MYT1L: variants seen among roughly 807,000 people sequenced by gnomAD.
MYT1L encodes the protein myelin transcription factor 1 like.
A neutral mutation model predicts 126.7 loss-of-function variants in MYT1L; 12 were observed. The ratio of observed to expected loss-of-function variants is 0.09; its 90% CI spans 0.06 to 0.15. The LOEUF (loss-of-function observed/expected upper bound fraction) is 0.15, where lower values mean the gene tolerates loss of function less well. Among genes scored for constraint, MYT1L ranks in the 10% least tolerant of loss-of-function variants. MYT1L has a pLI of 1.00. For synonymous variants in MYT1L, 541 were observed against 604.2 expected (o/e 0.90, Z 1.53); for missense variants, 979 against 1,585.2 (o/e 0.62, Z 6.49).
chr2:2,280,798 A>T (rs977883972), intron 2 of MYT1L, among the ~76,000 whole-genome samples: 1 of 152,148 alleles, frequency 6.6e-6, no homozygotes, highest in African/African-American at 2.4e-5. Context: ...GTGATTTAAA[A>T]CCCAGAACAC....
chr2:2,015,185 G>T (rs1261536382), intron 4 of MYT1L, among the ~76,000 whole-genome samples: 2 of 152,230 alleles, frequency 1.3e-5, no homozygotes, highest in Admixed American at 6.5e-5. Flanking sequence ...CAATGCTGAA[G>T]AGAATGGGTG....
At chr2:1,897,914 G>A (rs1425553431) in intron 14 of MYT1L, among the ~76,000 whole-genome samples, 3 of 152,154 alleles carry the variant, frequency 2.0e-5, no homozygotes, top group African/African-American at 7.2e-5. Context: ...AGGAGCAGCC[G>A]CTGGATCTTA....
chr2:2,180,882 C>G (rs1014526131), intron 2 of MYT1L, among the ~76,000 whole-genome samples: 1 of 149,560 alleles, frequency 6.7e-6, no homozygotes, highest in African/African-American at 2.5e-5. Flanking sequence ...GTATCCGTAC[C>G]TGTGTGTGTA....
intron 3 of MYT1L, among the ~76,000 whole-genome samples, chr2:2,144,155 G>A (rs905669534): frequency 7.9e-5 from 12 of 152,158 alleles, no homozygotes; most frequent in African/African-American, 2.4e-4. Flanking sequence ...ACCAATGTGC[G>A]TTGGTTGCAC....
At chr2:2,145,136 C>T (rs901150628) in intron 3 of MYT1L, among the ~76,000 whole-genome samples, 6 of 152,186 alleles carry the variant, frequency 3.9e-5, no homozygotes, top group Non-Finnish European at 7.3e-5. Flanking sequence ...AAGGAGCCCA[C>T]GCCTTAGGAA....
intron 2 of MYT1L, among the ~76,000 whole-genome samples, chr2:2,241,007 G>A (rs2094430018): frequency 6.6e-6 from 1 of 152,122 alleles, no homozygotes; most frequent in Non-Finnish European, 1.5e-5. Flanking sequence ...TTCACGTATT[G>A]GAGAGAGACA....
At chr2:1,884,483 G>T (rs572758228) in intron 18 of MYT1L, among the ~76,000 whole-genome samples, 58 of 152,260 alleles carry the variant, frequency 3.8e-4, no homozygotes, top group African/African-American at 1.2e-3. Context: ...AGATAAAAGG[G>T]GTCACCAATT....
chr2:2,004,275 G>GTTCTTTCCTGCAGGCA (rs1558697924), intron 4 of MYT1L, among the ~76,000 whole-genome samples: 4 of 122,408 alleles, frequency 3.3e-5, no homozygotes, highest in Non-Finnish European at 5.1e-5. Context: ...TCCTGCAGGC[G>GTTCTTTCCTGCAGGCA]TTCTTTCCTG....
At chr2:2,051,076 G>A (rs904839558) in intron 4 of MYT1L, among the ~76,000 whole-genome samples, 2 of 152,098 alleles carry the variant, frequency 1.3e-5, no homozygotes, top group African/African-American at 4.8e-5. Flanking sequence ...ATCTGATAGG[G>A]TAAGAAATAG....
chr2:1,851,849 T>G, intron 18 of MYT1L, 146 bp from the exon 19 acceptor site: 1 of 756,460 alleles, frequency 1.3e-6, no homozygotes, highest in Non-Finnish European at 2.2e-6. Flanking sequence ...AGCTCCCTCA[T>G]GGAGCTGGAA....
At chr2:2,324,810 C>T (rs187065679) in intron 1 of MYT1L, 1,696 of 152,774 alleles carry the variant, frequency 0.011, 13 homozygotes, top group Non-Finnish European at 0.018. Context: ...AAAACATATC[C>T]ACTTCCCCAA....
chr2:2,251,263 C>T (rs1012340076), intron 2 of MYT1L, among the ~76,000 whole-genome samples: 1 of 152,132 alleles, frequency 6.6e-6, no homozygotes. Context: ...TTACAATGAG[C>T]CCATATTCCT....
Position 1,806,516 on chromosome 2 carries a change from G to A in MYT1L, c.3172+2560C>T, listed in dbSNP as rs1316476596. The stretch of plus-strand genomic sequence containing the variant: ...CTGGTGGGATGACACCCAGTTGTTG[G>A]TTCCTCTAGTTTAGAGTCACAGACC... On this transcript the variant is annotated intron_variant, in intron 22 of 24. Transcript: ENST00000647738. The surrounding 1 kb of genome is among the most constrained non-coding windows in gnomAD (Gnocchi z 4.9). Among the ~76,000 whole-genome samples the A allele has an allele frequency of 1.3e-5, 2 of 152,180 alleles. No individual in the cohort carries two copies. Among genetic ancestry groups the A allele is most frequent in the Non-Finnish European group, 2.9e-5 (2 of 68,028 alleles).
intron 2 of MYT1L, among the ~76,000 whole-genome samples, chr2:2,198,381 G>A (rs1342428555): frequency 6.6e-6 from 1 of 151,878 alleles, no homozygotes; most frequent in Non-Finnish European, 1.5e-5. Context: ...AAATAACAAG[G>A]TATTGCGTAT....
intron 2 of MYT1L, among the ~76,000 whole-genome samples, chr2:2,263,720 G>A (rs767844261): frequency 2.0e-5 from 3 of 152,226 alleles, no homozygotes; most frequent in South Asian, 2.1e-4. Flanking sequence ...TCTTGTTCAC[G>A]ACTAGACCTT....
chr2:1,934,123 C>T (rs566793773), intron 9 of MYT1L, among the ~76,000 whole-genome samples: 278 of 142,204 alleles, frequency 2.0e-3, no homozygotes, highest in Non-Finnish European at 2.5e-3. Flanking sequence ...TACAGGCACC[C>T]GCCACCACGC....
rs1469427732 is a variant in MYT1L, at chr2:2,166,112, C to T, written c.-304+6760G>A. Among the ~76,000 whole-genome samples the T allele has an allele frequency of 2.0e-5, 3 of 152,228 alleles. No homozygotes were observed. The East Asian group carries it at 5.8e-4, about 29-fold the overall frequency. Reference sequence around the variant, plus strand: ...GAAAATCCGATAGGAGAATTTCTCCCTCTTCTTATATTTATTTCCTTCCTC... The same window carrying T: ...GAAAATCCGATAGGAGAATTTCTCCTTCTTCTTATATTTATTTCCTTCCTC... On this transcript the variant is annotated intron_variant, in intron 3 of 24. Coordinates refer to ENST00000647738, the MANE Select transcript of MYT1L (RefSeq NM_001303052.2).
chr2:1,874,732 C>T (rs1040070555), intron 18 of MYT1L, among the ~76,000 whole-genome samples: 7 of 152,212 alleles, frequency 4.6e-5, no homozygotes, highest in African/African-American at 7.2e-5. Flanking sequence ...ATGCTGCAAC[C>T]TGATCCCACT....
chr2:2,287,625 AT>A (rs2095541803), intron 1 of MYT1L, among the ~76,000 whole-genome samples: 1 of 152,210 alleles, frequency 6.6e-6, no homozygotes, highest in Non-Finnish European at 1.5e-5. Flanking sequence ...AGGATAATGG[AT>A]TAGATCATCT....
Sources: gnomAD v4.1 joint callset for allele counts (sites outside exome capture counted in the v4.1 genomes callset) on GRCh38, gnomAD v4.1.1 for gene constraint, Gnocchi (gnomAD v3.1) non-coding constraint, MANE v1.5 for transcripts, NCBI Gene and HGNC (gene_info 2026-07-23, HGNC 2026-07-21) for gene names.